Variants in MYO7B observed in about 807,000 individuals in gnomAD.
MYO7B encodes unconventional myosin-VIIb.
A neutral mutation model predicts 259.7 loss-of-function variants in MYO7B; 212 were observed. The observed-to-expected ratio is 0.82, with a 90% CI of 0.73 to 0.91. The LOEUF is 0.91. Ranked by LOEUF, MYO7B falls within the 40% of genes least tolerant of loss-of-function variation. MYO7B has a pLI of 0.00. For synonymous variants in MYO7B, 1,197 were observed against 1,166.4 expected, an observed-to-expected ratio of 1.03 and a Z score of -0.54; for missense variants, 2,732 against 2,813.5, an observed-to-expected ratio of 0.97 and a Z score of 0.66.
At chr2:127,630,645 G>T (rs919819889) in intron 35 of MYO7B, 133 bp from the exon 36 acceptor site, 1 of 1,261,898 alleles carries the variant, frequency 7.9e-7, no homozygotes, top group Admixed American at 2.5e-5. Flanking sequence ...CAGGGGTGTG[G>T]GTAAGCCCTG....
At chr2:127,633,625 G>A (rs1229073860) in intron 40 of MYO7B, among the ~76,000 whole-genome samples, 1 of 152,210 alleles carries the variant, frequency 6.6e-6, no homozygotes, top group Non-Finnish European at 1.5e-5. Context: ...TGGGCAGCAA[G>A]GGTGAGTCCC....
chr2:127,623,134 G>T, intron 28 of MYO7B, 68 bp from the exon 29 acceptor site: 2 of 1,568,512 alleles, frequency 1.3e-6, no homozygotes, highest in Non-Finnish European at 8.7e-7. Context: ...GGGAGGTAGT[G>T]GATGGGGGGT....
rs543107420 is a variant in MYO7B at position 127,540,492 on chromosome 2, T to C, written c.-24+4661T>C. ...AGTGTCTTTTTCATATAATGACTTA[T>C]CTTATTGCTGGATCTAACGGTAGGT... On this transcript the variant is annotated intron_variant, in intron 1 of 47. Coordinates refer to ENST00000409816, the MANE Select transcript of MYO7B (RefSeq NM_001393586.1). 1.1e-4 allele frequency among the ~76,000 whole-genome samples: 17 copies of C among 152,320 alleles called. No individual in the cohort carries two copies. The South Asian group carries it at 3.3e-3, about 30-fold the overall frequency.
At chr2:127,633,447 T>C in intron 40 of MYO7B, 84 bp downstream of exon 40, 1 of 1,366,348 alleles carries the variant, frequency 7.3e-7, no homozygotes, top group South Asian at 1.3e-5. Flanking sequence ...AGCCTGCTCC[T>C]TGGTAACCCC....
rs1678900165 is a variant in MYO7B, at chr2:127,577,064, A to G, written c.849+356A>G. On this transcript the variant is annotated intron_variant, in intron 8 of 47. Transcript: ENST00000409816. This position sits in a 1 kb window ranked among gnomAD's most constrained non-coding sequence, Gnocchi z 5.2. ...TTTCACTCCAATTGTCTGTCCTTGCAGGCCCCCTAAAACGTAAGCCCCGGG... is the reference window on the plus strand; with the variant it reads ...TTTCACTCCAATTGTCTGTCCTTGCGGGCCCCCTAAAACGTAAGCCCCGGG... 6.6e-6 allele frequency among the ~76,000 whole-genome samples: 1 copy of G among 152,008 alleles called. No individual in the cohort carries two copies. Among genetic ancestry groups the G allele is most frequent in the Non-Finnish European group, 1.5e-5 (1 of 67,976 alleles).
At chr2:127,630,541 T>C (rs1222914074) in intron 35 of MYO7B, among the ~76,000 whole-genome samples, 3 of 152,054 alleles carry the variant, frequency 2.0e-5, no homozygotes, top group Non-Finnish European at 4.4e-5. Context: ...GAACGGGTGA[T>C]GTGGGTGCCA....
At chr2:127,626,154 C>G (rs750002206) in intron 31 of MYO7B, 1 of 152,100 alleles carries the variant, frequency 6.6e-6, no homozygotes, top group African/African-American at 2.4e-5. Flanking sequence ...GGGAGAGGAA[C>G]GGGTGAAGGT....
intron 6 of MYO7B, among the ~76,000 whole-genome samples, chr2:127,572,105 G>A (rs1678657650): frequency 6.6e-6 from 1 of 152,150 alleles, no homozygotes; most frequent in South Asian, 2.1e-4. Flanking sequence ...TTTCTATGGT[G>A]CAAGGTACAC....
chr2:127,574,612 C>T (rs1383031221), intron 7 of MYO7B, among the ~76,000 whole-genome samples: 1 of 152,242 alleles, frequency 6.6e-6, no homozygotes, highest in African/African-American at 2.4e-5. Context: ...TACCATTCCT[C>T]ATCCCTACTA....
chr2:127,580,674 C>G (rs1373140216), intron 9 of MYO7B, 72 bp from the exon 10 acceptor site: 2 of 1,455,454 alleles, frequency 1.4e-6, no homozygotes, highest in Admixed American at 1.9e-5. Context: ...GCCAAGGGCC[C>G]GGGCCAGTCG....
In MYO7B at chr2:127,578,195, C is replaced by T. The variant is rs376309191; in HGVS notation, c.912C>T (p.Ala304=). The T allele has an allele frequency of 1.2e-6, 2 of 1,613,744 alleles. No individual in the cohort carries two copies. Among genetic ancestry groups the T allele is most frequent in the Non-Finnish European group, 1.7e-6 (2 of 1,179,886 alleles). Residue 304 remains alanine, a synonymous_variant, in exon 9 of 48, where the codon GCC becomes GCT. Transcript: ENST00000409816. ...AGGACTACGCCCACATCCGCTCGGC[C>T]ATGAAGATCCTCCAGTTCTCCGACT... is the stretch of plus-strand genomic sequence containing the variant. The part of the protein sequence containing the change: ...DAKDYAHIRS[A]MKILQFSDSE...
At chr2:127,637,146 C>A (rs1164985685) in intron 47 of MYO7B, 170 bp from the exon 48 acceptor site, 9 of 911,534 alleles carry the variant, frequency 9.9e-6, no homozygotes, top group Admixed American at 4.0e-5. Context: ...GGAGGGAGAC[C>A]CAGCTCCAGC....
intron 18 of MYO7B, among the ~76,000 whole-genome samples, chr2:127,595,924 A>C (rs1261607335): frequency 6.6e-6 from 1 of 152,312 alleles, no homozygotes; most frequent in East Asian, 1.9e-4. Context: ...TGGTGCCGAG[A>C]AGAATGTATA....
rs752775526 is a variant in MYO7B, at chr2:127,585,866, C to G, written c.1690+953C>G. Among the ~76,000 whole-genome samples the G allele has an allele frequency of 2.6e-5, 4 of 152,196 alleles. No homozygotes were observed. The highest frequency in any genetic ancestry group is 5.9e-5 in the Non-Finnish European group (4 of 68,038). On this transcript the variant is annotated intron_variant, in intron 14 of 47. Coordinates refer to ENST00000409816, the MANE Select transcript of MYO7B (RefSeq NM_001393586.1). The surrounding 1 kb of genome is among the most constrained non-coding windows in gnomAD (Gnocchi z 4.3). ...TTCATATGCTTCTTGGCCATTTGCA[C>G]GTCTTCTTTGGAGGGATGTCTATTT... is the stretch of plus-strand genomic sequence containing the variant.
At chr2:127,572,366 C>T (rs1355234879) in intron 6 of MYO7B, among the ~76,000 whole-genome samples, 1 of 149,264 alleles carries the variant, frequency 6.7e-6, no homozygotes, top group African/African-American at 2.5e-5. Context: ...TTGCAGAGAG[C>T]CGAGATCACA....
chr2:127,590,373 A>G lies in MYO7B; in HGVS notation c.1992+144A>G. On this transcript the variant is annotated intron_variant, in intron 16 of 47. Coordinates refer to ENST00000409816, the MANE Select transcript of MYO7B (RefSeq NM_001393586.1). The surrounding 1 kb of genome is among the most constrained non-coding windows in gnomAD (Gnocchi z 4.6). ...ACCTTACAGATAAGTACACTGGGGT[A>G]AGGTGACCAGACTAGGTCATGTGAA... The G allele has an allele frequency of 1.6e-6, 2 of 1,214,460 alleles. No individual in the cohort carries two copies. The highest frequency in any genetic ancestry group is 2.3e-6 in the Non-Finnish European group (2 of 881,202). 75.2% of individuals were successfully genotyped at this position (1,214,460 alleles called of 1,614,324 possible).
chr2:127,634,071 C>T, intron 40 of MYO7B, 105 bp from the exon 41 acceptor site: 1 of 898,104 alleles, frequency 1.1e-6, no homozygotes, highest in Non-Finnish European at 1.7e-6. Context: ...CCACATCCAA[C>T]CCAAGTTTCA....
At chr2:127,544,344 T>C (rs1693130118) in intron 1 of MYO7B, among the ~76,000 whole-genome samples, 1 of 152,218 alleles carries the variant, frequency 6.6e-6, no homozygotes, top group South Asian at 2.1e-4. Context: ...TTGAATCATT[T>C]GAAACTGCCA....
In MYO7B at chr2:127,637,244, G is replaced by A. The variant is rs148497696; in HGVS notation, c.6328-72G>A. Reference sequence around the variant, plus strand: ...ACTGCTGGTTGCTGAGGAAGAGAAGGTGGTCCCTGAGTCCAGGACCCCCAC... The same window carrying A: ...ACTGCTGGTTGCTGAGGAAGAGAAGATGGTCCCTGAGTCCAGGACCCCCAC... On this transcript the variant is annotated intron_variant, in intron 47 of 47. Transcript: ENST00000409816. The A allele has an allele frequency of 3.4e-3, 3,960 of 1,163,908 alleles. 10 individuals are homozygous for A. The highest frequency in any genetic ancestry group is 4.4e-3 in the Non-Finnish European group (3,514 of 794,058). The allele number at this position is 1,163,908 out of a possible 1,614,324, so 72.1% of individuals were successfully genotyped here. A position where few individuals can be genotyped will look rare whatever the true frequency, so the allele number is the denominator to read the frequency against.
Sources: gnomAD v4.1 joint callset for allele counts (sites outside exome capture counted in the v4.1 genomes callset) on GRCh38, gnomAD v4.1.1 for gene constraint, Gnocchi (gnomAD v3.1) non-coding constraint, MANE v1.5 for transcripts, NCBI Gene and HGNC (gene_info 2026-07-23, HGNC 2026-07-21) for gene names.